KCNH8: variants seen among roughly 807,000 people sequenced by gnomAD.
The protein encoded by KCNH8 is voltage-gated delayed rectifier potassium channel KCNH8.
Under a neutral mutation model 103.6 loss-of-function variants are expected in KCNH8, and 70 were observed. The ratio of observed to expected loss-of-function variants is 0.68; its 90% CI spans 0.56 to 0.82. The LOEUF is 0.82. Ranked by LOEUF, KCNH8 falls within the 40% of genes least tolerant of loss-of-function variation. The pLI, the probability that KCNH8 is intolerant of heterozygous loss-of-function variation, is 0.00. For missense variants in KCNH8, 1,217 were observed against 1,329.9 expected, an observed-to-expected ratio of 0.92 and a Z score of 1.32; for synonymous variants, 498 against 489.4, an observed-to-expected ratio of 1.02 and a Z score of -0.23.
intron 15 of KCNH8, among the ~76,000 whole-genome samples, chr3:19,526,538 A>C (rs1299087449): frequency 6.6e-6 from 1 of 151,960 alleles, no homozygotes; most frequent in Admixed American, 6.6e-5. Context: ...GCACAATCTA[A>C]CCACACACCA....
At chr3:19,378,266 T>G (rs2066240258) in intron 5 of KCNH8, among the ~76,000 whole-genome samples, 1 of 152,210 alleles carries the variant, frequency 6.6e-6, no homozygotes, top group Non-Finnish European at 1.5e-5. Context: ...TGACCATAAT[T>G]AGTTGCAAAG....
intron 5 of KCNH8, among the ~76,000 whole-genome samples, chr3:19,353,000 A>G (rs1431740348): frequency 1.3e-5 from 2 of 152,168 alleles, no homozygotes; most frequent in Non-Finnish European, 2.9e-5. Flanking sequence ...AGACTAATAA[A>G]GAAGAAAAGA....
At chr3:19,463,586 A>G (rs961879384) in intron 11 of KCNH8, among the ~76,000 whole-genome samples, 4 of 152,156 alleles carry the variant, frequency 2.6e-5, no homozygotes, top group Non-Finnish European at 4.4e-5. Context: ...AATTCTTAGA[A>G]TACCAACCTT....
chr3:19,504,317 A>T (rs191991903), intron 11 of KCNH8, among the ~76,000 whole-genome samples: 1 of 152,360 alleles, frequency 6.6e-6, no homozygotes, highest in African/African-American at 2.4e-5. Flanking sequence ...AGCAATTGCA[A>T]CAAAAGCAAA....
At chr3:19,303,950 C>T (rs892764495) in intron 3 of KCNH8, among the ~76,000 whole-genome samples, 5 of 152,120 alleles carry the variant, frequency 3.3e-5, no homozygotes, top group African/African-American at 1.2e-4. Flanking sequence ...TCCAATGCAT[C>T]ACTTTTTTGC....
At chr3:19,214,145 A>G (rs1244075420) in intron 1 of KCNH8, among the ~76,000 whole-genome samples, 1 of 152,186 alleles carries the variant, frequency 6.6e-6, no homozygotes, top group South Asian at 2.1e-4. Flanking sequence ...GGCCATACCT[A>G]TGTAATTCTC....
At chr3:19,503,919 A>C (rs1194611542) in intron 11 of KCNH8, among the ~76,000 whole-genome samples, 2 of 151,792 alleles carry the variant, frequency 1.3e-5, no homozygotes, top group Non-Finnish European at 2.9e-5. Context: ...CCTAAAACTT[A>C]AAGTATAATA....
intron 5 of KCNH8, among the ~76,000 whole-genome samples, chr3:19,351,595 A>G (rs922807092): frequency 6.6e-6 from 1 of 152,178 alleles, no homozygotes; most frequent in African/African-American, 2.4e-5. Context: ...ATTCTTAAGG[A>G]AAAGAATTTT....
At chr3:19,494,834 T>A (rs1184136336) in intron 11 of KCNH8, among the ~76,000 whole-genome samples, 1 of 152,204 alleles carries the variant, frequency 6.6e-6, no homozygotes, top group African/African-American at 2.4e-5. Flanking sequence ...ATATAAGTGT[T>A]CCTTTTCCCC....
chr3:19,327,808 C>T (rs942555462), intron 3 of KCNH8, among the ~76,000 whole-genome samples: 8 of 152,188 alleles, frequency 5.3e-5, no homozygotes, highest in African/African-American at 1.2e-4. Flanking sequence ...AAATCAATGC[C>T]GGGTCTACTT....
intron 1 of KCNH8, among the ~76,000 whole-genome samples, chr3:19,214,481 G>A (rs2063800305): frequency 6.6e-6 from 1 of 152,122 alleles, no homozygotes; most frequent in Non-Finnish European, 1.5e-5. Flanking sequence ...TAGATCCAAT[G>A]ACTAACCGAT....
chr3:19,418,839 A>C (rs1342880552), intron 7 of KCNH8, among the ~76,000 whole-genome samples: 3 of 152,242 alleles, frequency 2.0e-5, no homozygotes, highest in Non-Finnish European at 4.4e-5. Context: ...TTCTTATGAA[A>C]ACAAATACCA....
intron 11 of KCNH8, among the ~76,000 whole-genome samples, chr3:19,479,421 C>A (rs895928814): frequency 6.6e-6 from 1 of 152,152 alleles, no homozygotes; most frequent in African/African-American, 2.4e-5. Context: ...AGTTACACAA[C>A]AAGCAAAGGA....
chr3:19,240,241 C>G (rs2064120623), intron 1 of KCNH8, among the ~76,000 whole-genome samples: 1 of 152,072 alleles, frequency 6.6e-6, no homozygotes, highest in South Asian at 2.1e-4. Context: ...TATTTTTGCT[C>G]TGTTTTTACT....
At chr3:19,289,399 T>C (rs1401111967) in intron 3 of KCNH8, among the ~76,000 whole-genome samples, 2 of 152,228 alleles carry the variant, frequency 1.3e-5, no homozygotes, top group Admixed American at 1.3e-4. Flanking sequence ...GATTAATTTT[T>C]GTGTAAGGTG....
At chr3:19,325,629 A>G (rs972360857) in intron 3 of KCNH8, among the ~76,000 whole-genome samples, 13 of 152,194 alleles carry the variant, frequency 8.5e-5, no homozygotes, top group African/African-American at 3.1e-4. Context: ...TCAAAGCCAC[A>G]ATGAGATAGC....
chr3:19,165,638 A>T (rs936591717), intron 1 of KCNH8, among the ~76,000 whole-genome samples: 1 of 152,226 alleles, frequency 6.6e-6, no homozygotes, highest in African/African-American at 2.4e-5. Context: ...TTTATAAAAC[A>T]TTGCCAGTTG....
At chr3:19,351,646 G>C (rs1312957150) in intron 5 of KCNH8, among the ~76,000 whole-genome samples, 2 of 152,122 alleles carry the variant, frequency 1.3e-5, no homozygotes, top group African/African-American at 4.8e-5. Context: ...AGCTTCATAA[G>C]TGAAGGAGAA....
chr3:19,524,993 C>A (rs1383613539), intron 15 of KCNH8, among the ~76,000 whole-genome samples: 2 of 151,736 alleles, frequency 1.3e-5, no homozygotes, highest in Non-Finnish European at 2.9e-5. Flanking sequence ...TTGTCAGAAG[C>A]TGTGCTCTTT....
Sources: allele counts gnomAD v4.1 joint callset (sites outside exome capture counted in the v4.1 genomes callset), GRCh38; gene constraint gnomAD v4.1.1; transcripts MANE v1.5; gene names NCBI Gene and HGNC (gene_info 2026-07-23, HGNC 2026-07-21).